OSBP2: variants seen among roughly 807,000 people sequenced by gnomAD.
OSBP2 encodes the protein oxysterol-binding protein 2.
In OSBP2, 66 loss-of-function variants were observed where a neutral mutation model predicts 96.0. That is an observed-to-expected ratio of 0.69 (90% CI 0.56 to 0.84). The LOEUF (loss-of-function observed/expected upper bound fraction) is 0.84. Ranked by LOEUF, OSBP2 falls within the 40% of genes least tolerant of loss-of-function variation. The probability of loss-of-function intolerance (pLI) is 0.00; values close to 1 mark genes in which losing one functional copy is unlikely to be tolerated. For synonymous variants in OSBP2, 525 were observed against 520.9 expected, an observed-to-expected ratio of 1.01 and a Z score of -0.11; for missense variants, 1,038 against 1,222.7, an observed-to-expected ratio of 0.85 and a Z score of 2.25.
At chr22:30,714,323 G>A (rs561522893) in intron 1 of OSBP2, among the ~76,000 whole-genome samples, 3 of 151,908 alleles carry the variant, frequency 2.0e-5, no homozygotes, top group Non-Finnish European at 4.4e-5. Context: ...ACACTTAGGC[G>A]GATTCCATAT....
In OSBP2 at chr22:30,905,785, T is replaced by G. The variant is rs2040319457; in HGVS notation, c.2376-52T>G. ...AGGCAGGGGAGGGCGGCCGGGTAGG[T>G]GTGGTCCGGCTCACACCGCAGCCAC... On this transcript the variant is annotated intron_variant, in intron 12 of 13. Transcript: ENST00000332585. The G allele has an allele frequency of 2.5e-6, 4 of 1,599,430 alleles. No individual in the cohort carries two copies. The South Asian group carries it at 3.3e-5, about 13-fold the overall frequency.
intron 2 of OSBP2, among the ~76,000 whole-genome samples, chr22:30,802,793 G>C (rs551222647): frequency 6.6e-6 from 1 of 152,336 alleles, no homozygotes; most frequent in South Asian, 2.1e-4. Flanking sequence ...GAGCCTCCTC[G>C]GGCGGTGGGG....
Position 30,851,602 on chromosome 22 carries a change from C to G in OSBP2, c.854-18827C>G, listed in dbSNP as rs114951490. 2.7e-3 allele frequency among the ~76,000 whole-genome samples: 418 copies of G among 152,216 alleles called. 4 individuals carry two copies. The highest frequency in any genetic ancestry group is 9.4e-3 in the African/African-American group (392 of 41,534). On this transcript the variant is annotated intron_variant, in intron 2 of 13. Coordinates refer to ENST00000332585, the MANE Select transcript of OSBP2 (RefSeq NM_030758.4). ...GGTTTCTTTTTCTTGCCTTATTGCACTGACTGGAACTTCTAATGTAATGTT... is the reference window on the plus strand; with the variant it reads ...GGTTTCTTTTTCTTGCCTTATTGCAGTGACTGGAACTTCTAATGTAATGTT...
chr22:30,703,152 C>T (rs543716726), intron 1 of OSBP2, among the ~76,000 whole-genome samples: 18 of 151,634 alleles, frequency 1.2e-4, no homozygotes, highest in Admixed American at 2.6e-4. Flanking sequence ...ATAGGCTACT[C>T]AGTGAACCAG....
intron 5 of OSBP2, 80 bp from the exon 6 acceptor site, chr22:30,889,094 ATGT>A: frequency 8.4e-7 from 1 of 1,193,074 alleles, no homozygotes; most frequent in Non-Finnish European, 1.2e-6. Context: ...AATGAAAATG[ATGT>A]TGTCTGGAGA....
intron 2 of OSBP2, among the ~76,000 whole-genome samples, chr22:30,808,114 TAC>T (rs1246135295): frequency 6.6e-6 from 1 of 152,148 alleles, no homozygotes. Context: ...GCAGGCCAGG[TAC>T]AGTGTGGGGC....
chr22:30,812,551 C>T (rs1483605527), intron 2 of OSBP2, among the ~76,000 whole-genome samples: 1 of 152,224 alleles, frequency 6.6e-6, no homozygotes, highest in Non-Finnish European at 1.5e-5. Context: ...AGATTCTTCA[C>T]ATGTTGTTAC....
chr22:30,824,175 C>T (rs1054750704), intron 2 of OSBP2, among the ~76,000 whole-genome samples: 3 of 152,280 alleles, frequency 2.0e-5, no homozygotes, highest in South Asian at 2.1e-4. Context: ...ACCTTTTTGA[C>T]GGCCAGACCC....
intron 12 of OSBP2, among the ~76,000 whole-genome samples, chr22:30,903,550 C>T (rs182592622): frequency 1.6e-4 from 24 of 152,332 alleles, no homozygotes; most frequent in Middle Eastern, 3.4e-3. Flanking sequence ...TAGGCATTCA[C>T]GTGTTTTTGT....
intron 1 of OSBP2, among the ~76,000 whole-genome samples, chr22:30,717,100 G>T (rs796399315): frequency 0.056 from 5,897 of 106,066 alleles, 195 homozygotes; most frequent in South Asian, 0.11. Flanking sequence ...TTGTGTGTGT[G>T]TGTGTGTGTG....
chr22:30,702,474 C>T (rs1602142570), intron 1 of OSBP2, among the ~76,000 whole-genome samples: 1 of 152,234 alleles, frequency 6.6e-6, no homozygotes, highest in East Asian at 1.9e-4. Context: ...ATTAGCTGGG[C>T]ATGGTGGTGG....
intron 2 of OSBP2, among the ~76,000 whole-genome samples, chr22:30,777,165 G>A (rs548366709): frequency 3.3e-5 from 5 of 152,282 alleles, no homozygotes; most frequent in African/African-American, 1.2e-4. Context: ...GACTTTGGGG[G>A]ACTGTTGGGA....
chr22:30,891,319 G>A (rs1205848824), intron 8 of OSBP2, among the ~76,000 whole-genome samples: 1 of 152,210 alleles, frequency 6.6e-6, no homozygotes. Context: ...TCACTACCGA[G>A]CTGAAGGCGG....
chr22:30,870,736 G>A lies in OSBP2; in HGVS notation c.1107+54G>A. 6.3e-7 allele frequency: 1 copy of A among 1,581,368 alleles called. No homozygotes were observed. Among genetic ancestry groups the A allele is most frequent in the Non-Finnish European group, 8.6e-7 (1 of 1,159,454 alleles). ...CGGGGCTCCCTGGCTCCAGCCCCGG[G>A]GTCCCTCGGTGGGTGACCAGGGTCA... On this transcript the variant is annotated intron_variant, in intron 3 of 13. Coordinates refer to ENST00000332585, the MANE Select transcript of OSBP2 (RefSeq NM_030758.4). This position sits in a 1 kb window ranked among gnomAD's most constrained non-coding sequence, Gnocchi z 4.1.
chr22:30,730,216 G>A (rs1407223125), intron 1 of OSBP2, among the ~76,000 whole-genome samples: 2 of 152,122 alleles, frequency 1.3e-5, no homozygotes, highest in Non-Finnish European at 2.9e-5. Flanking sequence ...GACGACCTCG[G>A]CCTCCCGAAG....
At chr22:30,841,281 T>C (rs1457573415) in intron 2 of OSBP2, among the ~76,000 whole-genome samples, 2 of 152,234 alleles carry the variant, frequency 1.3e-5, no homozygotes, top group Non-Finnish European at 2.9e-5. Flanking sequence ...TTTTTATCCC[T>C]CCTGAAATAA....
chr22:30,757,957 C>T lies in OSBP2; in HGVS notation c.853+16588C>T, dbSNP rs942010434. 2.0e-5 allele frequency among the ~76,000 whole-genome samples: 3 copies of T among 152,202 alleles called. 1 individual carries two copies. Among genetic ancestry groups the T allele is most frequent in the Admixed American group, 2.0e-4 (3 of 15,276 alleles). ...CCAGACCTGAGCACTTTCACATCTGCCCACTGCCCTCCATCTGCCTGGCCT... is the reference window on the plus strand; with the variant it reads ...CCAGACCTGAGCACTTTCACATCTGTCCACTGCCCTCCATCTGCCTGGCCT... On this transcript the variant is annotated intron_variant, in intron 2 of 13. Transcript: ENST00000332585.
intron 2 of OSBP2, among the ~76,000 whole-genome samples, chr22:30,785,693 C>G (rs1402335911): frequency 6.6e-6 from 1 of 152,032 alleles, no homozygotes; most frequent in Non-Finnish European, 1.5e-5. Flanking sequence ...AAATTGTAAT[C>G]CCCACATATC....
intron 2 of OSBP2, among the ~76,000 whole-genome samples, chr22:30,776,447 G>A (rs1311077473): frequency 6.6e-6 from 1 of 152,060 alleles, no homozygotes; most frequent in Non-Finnish European, 1.5e-5. Flanking sequence ...TGTTAATGGT[G>A]CATGATATTT....
Sources: allele counts gnomAD v4.1 joint callset (sites outside exome capture counted in the v4.1 genomes callset), GRCh38; gene constraint gnomAD v4.1.1; non-coding constraint Gnocchi (gnomAD v3.1); transcripts MANE v1.5; gene names NCBI Gene and HGNC (gene_info 2026-07-23, HGNC 2026-07-21).